PIKFYVE: variants seen among roughly 807,000 people sequenced by gnomAD.
PIKFYVE encodes 1-phosphatidylinositol 3-phosphate 5-kinase.
Under a neutral mutation model 257.9 loss-of-function variants are expected in PIKFYVE, and 122 were observed. That is an observed-to-expected ratio of 0.47 (90% CI 0.41 to 0.55). The LOEUF is 0.55. Among genes scored for constraint, PIKFYVE ranks in the 20% least tolerant of loss-of-function variants. PIKFYVE has a pLI of 0.00. For missense variants in PIKFYVE, 2,160 were observed against 2,536.6 expected, an observed-to-expected ratio of 0.85 and a Z score of 3.19; for synonymous variants, 892 against 868.9, an observed-to-expected ratio of 1.03 and a Z score of -0.47.
intron 16 of PIKFYVE, 132 bp downstream of exon 16, chr2:208,318,073 G>A: frequency 4.2e-6 from 4 of 954,942 alleles, no homozygotes; most frequent in Non-Finnish European, 6.7e-6. Flanking sequence ...CCATAGGGGT[G>A]AAATTTGGTT....
intron 31 of PIKFYVE, 139 bp from the exon 32 acceptor site, chr2:208,342,415 G>T: frequency 1.5e-6 from 1 of 651,520 alleles, no homozygotes. Context: ...TTTTCTAATT[G>T]CCTTCAAAAA....
At chr2:208,335,057 G>T (rs960855386) in intron 24 of PIKFYVE, among the ~76,000 whole-genome samples, 1 of 152,104 alleles carries the variant, frequency 6.6e-6, no homozygotes, top group Non-Finnish European at 1.5e-5. Context: ...TTTACAGCAG[G>T]TAAGGATAAC....
chr2:208,320,672 C>T (rs1696106309), intron 17 of PIKFYVE, among the ~76,000 whole-genome samples: 1 of 152,146 alleles, frequency 6.6e-6, no homozygotes, highest in Admixed American at 6.6e-5. Context: ...GTTTGTAATA[C>T]AGTCTATGCT....
At position 208,355,180 on chromosome 2, in the gene PIKFYVE, A is replaced by G. The variant is rs1307501521; in HGVS notation, c.6182-10A>G. 1 of 1,604,894 alleles carries G rather than the reference A, an allele frequency of 6.2e-7. No homozygotes were observed. Among genetic ancestry groups the G allele is most frequent in the Admixed American group, 1.7e-5 (1 of 59,962 alleles). On this transcript the variant is annotated splice_polypyrimidine_tract_variant and intron_variant, in intron 41 of 41. Coordinates refer to ENST00000264380, the MANE Select transcript of PIKFYVE (RefSeq NM_015040.4). ...CAGCTTTTTCCCCCTTTTCTCTTTC[A>G]TAATCTCAGGTAAAATGCCAACAGT...
chr2:208,270,503 G>A (rs1182456115), intron 1 of PIKFYVE, among the ~76,000 whole-genome samples: 3 of 152,246 alleles, frequency 2.0e-5, no homozygotes, highest in South Asian at 2.1e-4. Flanking sequence ...TAGAAACAAA[G>A]CCCTTTAAGA....
In PIKFYVE at chr2:208,357,746, T is replaced by C. The variant is rs1700240222; in HGVS notation, c.*2441T>C. 3 of 152,226 alleles carry C rather than the reference T, an allele frequency of 2.0e-5. No homozygotes were observed. Among genetic ancestry groups the C allele is most frequent in the Non-Finnish European group, 4.4e-5 (3 of 68,034 alleles). The allele number at this position is 152,226 out of a possible 1,614,324, so 9.4% of individuals were successfully genotyped here. ...AAATATTGTACTACTCAGTGTTAAG[T>C]ATTGAATGACTGTTTCCCTTTCCTT... is the stretch of plus-strand genomic sequence containing the variant. On this transcript the variant is annotated 3_prime_UTR_variant, in exon 42 of 42. Transcript: ENST00000264380.
chr2:208,339,813 G>T (rs1291155537), intron 30 of PIKFYVE, among the ~76,000 whole-genome samples, 198 bp from the exon 31 acceptor site: 1 of 152,112 alleles, frequency 6.6e-6, no homozygotes, highest in Admixed American at 6.5e-5. Context: ...GTGTCCCTTG[G>T]AGTCCATGCT....
intron 24 of PIKFYVE, 96 bp from the exon 25 acceptor site, chr2:208,335,210 A>T: frequency 1.2e-6 from 1 of 828,794 alleles, no homozygotes; most frequent in East Asian, 2.5e-5. Context: ...TTTTCCTCTT[A>T]TGCCTCATAG....
chr2:208,335,350 A>C lies in PIKFYVE; in HGVS notation c.4187A>C (p.Lys1396Thr), dbSNP rs367712254. The C allele has an allele frequency of 1.4e-5, 23 of 1,612,898 alleles. No individual in the cohort carries two copies. The Middle Eastern group carries it at 2.1e-3, about 150-fold the overall frequency. Residue 1396 changes from lysine to threonine, a missense_variant, in exon 25 of 42, where the codon AAA becomes ACA. This residue lies in a region of PIKFYVE where 699 missense variants were observed against 855.8 expected (regional missense o/e 0.82). Transcript: ENST00000264380. ...RLLEVCVPLP[K>T]IFIKRQAPLK... The stretch of plus-strand genomic sequence containing the variant: ...CTTGAAGTATGTGTTCCACTCCCCA[A>C]AATATTCATTAAGCGTCAGGCCCCA...
chr2:208,295,272 T>A (rs1346387649), intron 7 of PIKFYVE, among the ~76,000 whole-genome samples: 1 of 152,240 alleles, frequency 6.6e-6, no homozygotes, highest in East Asian at 1.9e-4. Flanking sequence ...TAGAAAGTTC[T>A]ATTTTTTACT....
In PIKFYVE at chr2:208,316,277, A is replaced by G. The variant is rs375382009; in HGVS notation, c.2007+904A>G. ...CATTTTCTTAATCCAGTCTATCATT[A>G]TTGGACATTTGGGTTGGTTCCAAGT... is the stretch of plus-strand genomic sequence containing the variant. On this transcript the variant is annotated intron_variant, in intron 15 of 41. Coordinates refer to ENST00000264380, the MANE Select transcript of PIKFYVE (RefSeq NM_015040.4). Among the ~76,000 whole-genome samples the G allele has an allele frequency of 1.0e-3, 154 of 152,238 alleles. 4 individuals carry two copies. The South Asian group carries it at 0.029, about 29-fold the overall frequency.
chr2:208,336,980 T>C, intron 28 of PIKFYVE, 52 bp downstream of exon 28: 1 of 1,355,076 alleles, frequency 7.4e-7, no homozygotes, highest in Non-Finnish European at 1.1e-6. Context: ...ATATAGTTAG[T>C]TTCATTTATA....
At chr2:208,287,001 A>G (rs1299617435) in intron 6 of PIKFYVE, among the ~76,000 whole-genome samples, 1 of 152,236 alleles carries the variant, frequency 6.6e-6, no homozygotes, top group African/African-American at 2.4e-5. Flanking sequence ...TGAATTAATT[A>G]CAGCTACATT....
At chr2:208,276,674 A>G (rs776353077) in intron 3 of PIKFYVE, 38 bp from the exon 4 acceptor site, 2 of 1,414,768 alleles carry the variant, frequency 1.4e-6, no homozygotes, top group African/African-American at 2.8e-5. Context: ...GATACTAGGG[A>G]CTGTTAACAA....
rs12328089 is a variant in PIKFYVE at position 208,313,953 on chromosome 2, T to A, written c.1697-341T>A. 9.2e-3 allele frequency among the ~76,000 whole-genome samples: 1,404 copies of A among 152,320 alleles called. 25 individuals carry two copies. Among genetic ancestry groups the A allele is most frequent in the African/African-American group, 0.033 (1,354 of 41,570 alleles). On this transcript the variant is annotated intron_variant, in intron 13 of 41. Coordinates refer to ENST00000264380, the MANE Select transcript of PIKFYVE (RefSeq NM_015040.4). The stretch of plus-strand genomic sequence containing the variant: ...ATTAAAAGGAGAAGCAAAAGTTTCA[T>A]TTTATTTGCTTTTCAGAAGCTGTGC...
chr2:208,313,458 C>T (rs544812514), intron 13 of PIKFYVE, among the ~76,000 whole-genome samples: 4 of 148,000 alleles, frequency 2.7e-5, no homozygotes, highest in Admixed American at 6.7e-5. Flanking sequence ...AGACTTTCTA[C>T]ACTGTCATCT....
At chr2:208,287,759 C>A (rs570706072) in intron 6 of PIKFYVE, among the ~76,000 whole-genome samples, 46 of 152,070 alleles carry the variant, frequency 3.0e-4, no homozygotes, top group African/African-American at 1.0e-3. Context: ...TGCCACCATG[C>A]CCGGCTAAGT....
At chr2:208,322,746 T>G (rs1696413856) in intron 17 of PIKFYVE, among the ~76,000 whole-genome samples, 1 of 151,842 alleles carries the variant, frequency 6.6e-6, no homozygotes, top group Non-Finnish European at 1.5e-5. Context: ...GTGCACAATG[T>G]GCAGGTTTGT....
chr2:208,347,719 T>G, intron 34 of PIKFYVE, 140 bp from the exon 35 acceptor site: 3 of 760,990 alleles, frequency 3.9e-6, no homozygotes, highest in Non-Finnish European at 6.6e-6. Flanking sequence ...AAGGACAATG[T>G]GCAAACAAAA....
Sources: allele counts gnomAD v4.1 joint callset (sites outside exome capture counted in the v4.1 genomes callset), GRCh38; gene constraint gnomAD v4.1.1; regional missense constraint gnomAD v4.1.1; transcripts MANE v1.5; gene names NCBI Gene and HGNC (gene_info 2026-07-23, HGNC 2026-07-21).